The following SMURF1 variants were observed in gnomAD, a reference collection of about 807,000 sequenced individuals.
SMURF1 encodes SMAD specific E3 ubiquitin protein ligase 1.
SMURF1 carries 44 observed loss-of-function variants against 98.0 expected under a neutral mutation model. The ratio of observed to expected loss-of-function variants is 0.45; its 90% CI spans 0.35 to 0.58. SMURF1 has a LOEUF of 0.58. Among genes scored for constraint, SMURF1 ranks in the 20% least tolerant of loss-of-function variants. The pLI, the probability that SMURF1 is intolerant of heterozygous loss-of-function variation, is 0.00. For missense variants in SMURF1, 687 were observed against 938.4 expected (o/e 0.73, Z 3.50); for synonymous variants, 396 against 374.9 (o/e 1.06, Z -0.65).
chr7:99,059,070 C>A (rs1180565023), intron 3 of SMURF1, among the ~76,000 whole-genome samples: 2 of 151,644 alleles, frequency 1.3e-5, no homozygotes, highest in Non-Finnish European at 1.5e-5. Flanking sequence ...GGCAACAGAG[C>A]GAGACTCTGT....
intron 1 of SMURF1, among the ~76,000 whole-genome samples, chr7:99,105,278 A>G (rs1797171372): frequency 6.6e-6 from 1 of 152,242 alleles, no homozygotes; most frequent in Admixed American, 6.5e-5. Flanking sequence ...CCACTGTGAG[A>G]GTCTTCATGC....
chr7:99,136,406 G>C (rs1797993514), intron 1 of SMURF1, among the ~76,000 whole-genome samples: 1 of 152,034 alleles, frequency 6.6e-6, no homozygotes. Context: ...GTTTGTCTTT[G>C]CATGTTGATT....
Position 99,125,419 on chromosome 7 carries a change from A to G in SMURF1, c.55+18307T>C, listed in dbSNP as rs531975700. 2.9e-3 allele frequency among the ~76,000 whole-genome samples: 441 copies of G among 152,274 alleles called. 1 individual carries two copies. Among genetic ancestry groups the G allele is most frequent in the African/African-American group, 9.9e-3 (412 of 41,548 alleles). On this transcript the variant is annotated intron_variant, in intron 1 of 17. Transcript: ENST00000361368. ...GTTTCTGTTTTTGTTTTTGTTTTAA[A>G]GAACCTTTGTAAAGCACTTAGTCTA...
At chr7:99,065,108 TC>T (rs1307843348) in intron 1 of SMURF1, among the ~76,000 whole-genome samples, 1 of 152,016 alleles carries the variant, frequency 6.6e-6, no homozygotes, top group Non-Finnish European at 1.5e-5. Context: ...TTTTTTTTTT[TC>T]TTTTTTGAGA....
In SMURF1 at chr7:99,045,761, A is replaced by G; in HGVS notation, c.1193T>C (p.Leu398Ser). The change falls in exon 11 of 18, where the codon TTG becomes TCG. Residue 398 changes from leucine to serine, a missense_variant. By Grantham distance (145) the Leu-to-Ser change is moderately radical (BLOSUM62 -2). Coordinates refer to ENST00000361368, the MANE Select transcript of SMURF1 (RefSeq NM_181349.3). ...GAATTTCACCATCAGCCGTTTTTTC[A>G]AGTCTTTCGGTCGCATCTTCATTAT... ...RQIMKMRPKD[L>S]KKRLMVKFRG... is the part of the protein sequence containing the mutation. 1.2e-6 allele frequency: 2 copies of G among 1,614,236 alleles called. No homozygotes were observed. The highest frequency in any genetic ancestry group is 1.7e-6 in the Non-Finnish European group (2 of 1,180,040).
intron 1 of SMURF1, among the ~76,000 whole-genome samples, chr7:99,120,363 C>G (rs1262035665): frequency 2.0e-5 from 3 of 152,086 alleles, no homozygotes; most frequent in Non-Finnish European, 4.4e-5. Flanking sequence ...TTACAGGCAT[C>G]AGACAAAAAG....
chr7:99,091,947 T>TA (rs542659878), intron 1 of SMURF1, among the ~76,000 whole-genome samples: 115 of 152,306 alleles, frequency 7.6e-4, no homozygotes, highest in South Asian at 2.7e-3. Context: ...GACCAAAAGA[T>TA]ATGGATTTTG....
chr7:99,049,860 A>C (rs1584459759), intron 8 of SMURF1, 151 bp from the exon 9 acceptor site: 2 of 677,526 alleles, frequency 3.0e-6, no homozygotes, highest in Non-Finnish European at 4.9e-6. Context: ...CTTACGCCAA[A>C]CCTCTACTCA....
chr7:99,116,087 C>T (rs964954964), intron 1 of SMURF1, among the ~76,000 whole-genome samples: 12 of 152,094 alleles, frequency 7.9e-5, no homozygotes, highest in African/African-American at 2.9e-4. Flanking sequence ...GGATTATACA[C>T]CATGATCAAG....
At position 99,042,208 on chromosome 7, in the gene SMURF1, A is replaced by G; in HGVS notation, c.1281T>C (p.His427=). The G allele has an allele frequency of 6.2e-7, 1 of 1,613,794 alleles. No homozygotes were observed. Among genetic ancestry groups the G allele is most frequent in the East Asian group, 2.2e-5 (1 of 44,886 alleles). ...GCCCGTAATAAGGATTCAGCATTTC[A>G]TGGCACAGCAAGTAAAGCCACTCCC... ...VAREWLYLLC[H]EMLNPYYGLF... is the part of the protein sequence containing the mutation. Residue 427 remains histidine, a synonymous_variant, in exon 12 of 18, where the codon CAT becomes CAC. Coordinates refer to ENST00000361368, the MANE Select transcript of SMURF1 (RefSeq NM_181349.3).
intron 13 of SMURF1, among the ~76,000 whole-genome samples, chr7:99,039,141 C>T (rs1017366973): frequency 1.4e-5 from 2 of 140,604 alleles, no homozygotes; most frequent in East Asian, 2.1e-4. Context: ...TGCGTTGAGC[C>T]GATAATTGAG....
rs778310796 is a variant in SMURF1 at position 99,047,738 on chromosome 7, C to A, written c.1098G>T (p.Gln366His). 2.5e-6 allele frequency: 4 copies of A among 1,614,230 alleles called. No homozygotes were observed. Among genetic ancestry groups the A allele is most frequent in the Non-Finnish European group, 3.4e-6 (4 of 1,180,044 alleles). Residue 366 changes from glutamine to histidine, a missense_variant, in exon 10 of 18, where the codon CAG becomes CAT. Physicochemically the swap from Gln to His is conservative, Grantham distance 24 (BLOSUM62 0). Transcript: ENST00000361368. Reference sequence around the variant, plus strand: ...TGCGGCAATGACCAGCTTGGGGCTGCTGAAGCGACAGTTCGTGTCTGAGGA... The same window carrying A: ...TGCGGCAATGACCAGCTTGGGGCTGATGAAGCGACAGTTCGTGTCTGAGGA... ...LKVLRHELSLQQPQAGHCRIE... is the reference protein window; with the variant it reads ...LKVLRHELSLHQPQAGHCRIE...
chr7:99,140,819 A>G (rs1204159223), intron 1 of SMURF1, among the ~76,000 whole-genome samples: 1 of 151,854 alleles, frequency 6.6e-6, no homozygotes, highest in African/African-American at 2.4e-5. Context: ...AATAACAAAC[A>G]TGGAAATAAA....
At chr7:99,063,201 AT>A in intron 1 of SMURF1, among the ~76,000 whole-genome samples, 1 of 135,768 alleles carries the variant, frequency 7.4e-6, no homozygotes, top group East Asian at 2.2e-4. Flanking sequence ...AGATATATAT[AT>A]TTATATAGTC....
At position 99,047,704 on chromosome 7, in the gene SMURF1, A is replaced by C; in HGVS notation, c.1132T>G (p.Ser378Ala). Reference protein sequence around the residue: ...PQAGHCRIEVSREEIFEESYR... With the variant: ...PQAGHCRIEVAREEIFEESYR... ...TCTACCTCAAAGATTTCTTCTCTGG[A>C]CACTTCGATGCGGCAATGACCAGCT... Residue 378 changes from serine (S) to alanine (A), a missense_variant, in exon 10 of 18, where the codon TCC (serine) becomes GCC (alanine). This residue lies in a region of SMURF1 where 415 missense variants were observed against 508.4 expected (regional missense o/e 0.82). Transcript: ENST00000361368. 1.9e-6 allele frequency: 3 copies of C among 1,614,184 alleles called. No homozygotes were observed. The highest frequency in any genetic ancestry group is 2.5e-6 in the Non-Finnish European group (3 of 1,180,038).
At chr7:99,035,336 C>T in intron 16 of SMURF1, 179 bp downstream of exon 16, 1 of 792,806 alleles carries the variant, frequency 1.3e-6, no homozygotes, top group Non-Finnish European at 2.0e-6. Flanking sequence ...CACACCTGCT[C>T]ACACACGGCC....
At chr7:99,100,292 C>A (rs924527689) in intron 1 of SMURF1, among the ~76,000 whole-genome samples, 1 of 152,236 alleles carries the variant, frequency 6.6e-6, no homozygotes, top group Non-Finnish European at 1.5e-5. Context: ...CAATGGCTCA[C>A]GCCTGTAATC....
chr7:99,103,892 C>CTT (rs1247182195), intron 1 of SMURF1, among the ~76,000 whole-genome samples: 23 of 145,262 alleles, frequency 1.6e-4, no homozygotes, highest in East Asian at 8.1e-4. Context: ...CGGGCCACAA[C>CTT]TTTTTTTTTT....
At chr7:99,113,891 T>C (rs1291967372) in intron 1 of SMURF1, among the ~76,000 whole-genome samples, 1 of 57,268 alleles carries the variant, frequency 1.7e-5, no homozygotes, top group African/African-American at 7.1e-5. Flanking sequence ...ACCTGAGAAA[T>C]AAAGAACACT....
Sources: gnomAD v4.1 joint callset for allele counts (sites outside exome capture counted in the v4.1 genomes callset) on GRCh38, gnomAD v4.1.1 for gene constraint, gnomAD v4.1.1 regional missense constraint, MANE v1.5 for transcripts, NCBI Gene and HGNC (gene_info 2026-07-23, HGNC 2026-07-21) for gene names.